The following ROBO2 variants were observed in gnomAD, a reference collection of about 807,000 sequenced individuals.
The protein encoded by ROBO2 is roundabout homolog 2.
In ROBO2, 53 loss-of-function variants were observed where a neutral mutation model predicts 160.8. The ratio of observed to expected loss-of-function variants is 0.33; its 90% confidence interval spans 0.26 to 0.41. ROBO2 has a LOEUF of 0.41. ROBO2 is among the 10% of genes least tolerant of loss of function. ROBO2 has a pLI of 1.00. For synonymous variants in ROBO2, 664 were observed against 611.7 expected, an observed-to-expected ratio of 1.09 and a Z score of -1.26; for missense variants, 1,577 against 1,722.4, an observed-to-expected ratio of 0.92 and a Z score of 1.49.
chr3:77,399,921 A>T (rs941642705), intron 2 of ROBO2, among the ~76,000 whole-genome samples: 9 of 152,132 alleles, frequency 5.9e-5, no homozygotes, highest in African/African-American at 2.2e-4. Flanking sequence ...CATCAGCTTG[A>T]CACTATGATG....
chr3:76,356,484 T>A (rs1191882022), intron 2 of ROBO2, among the ~76,000 whole-genome samples: 1 of 151,616 alleles, frequency 6.6e-6, no homozygotes, highest in Non-Finnish European at 1.5e-5. Context: ...AGCTATATCA[T>A]ACAAAAGTAT....
At chr3:76,567,998 A>G (rs1451895173) in intron 2 of ROBO2, among the ~76,000 whole-genome samples, 7 of 150,736 alleles carry the variant, frequency 4.6e-5, no homozygotes, top group African/African-American at 1.7e-4. Flanking sequence ...TATTTTCAGT[A>G]GAGACGGGAT....
intron 17 of ROBO2, among the ~76,000 whole-genome samples, chr3:77,589,202 C>G (rs964340780): frequency 7.1e-6 from 1 of 141,690 alleles, no homozygotes; most frequent in Admixed American, 7.5e-5. Context: ...TCAACTAGTT[C>G]TTTGAAATCA....
At chr3:76,136,180 A>G (rs1006762203) in intron 2 of ROBO2, among the ~76,000 whole-genome samples, 3 of 152,102 alleles carry the variant, frequency 2.0e-5, no homozygotes, top group African/African-American at 4.8e-5. Context: ...TTTGGAAGGT[A>G]TTATTGGCAT....
chr3:76,606,986 T>C (rs2087713388), intron 2 of ROBO2, among the ~76,000 whole-genome samples: 1 of 152,232 alleles, frequency 6.6e-6, no homozygotes, highest in Admixed American at 6.5e-5. Context: ...CATTTAAGTA[T>C]GATTACAAGT....
rs565978627 is a variant in ROBO2 at position 76,309,588 on chromosome 3, G to A, written c.109+371986G>A. The stretch of plus-strand genomic sequence containing the variant: ...CCTCTTCCAAGAATATGATTTGAAA[G>A]CGGTAATTTGTTCCCTTTTGAAAGT... On this transcript the variant is annotated intron_variant, in intron 2 of 26. Coordinates refer to the ROBO2 transcript ENST00000487694. 8.6e-4 allele frequency among the ~76,000 whole-genome samples: 131 copies of A among 152,260 alleles called. 1 individual carries two copies. In the Middle Eastern group the frequency reaches 0.02, roughly 24 times the overall value.
chr3:77,143,440 T>C (rs149831820), intron 2 of ROBO2, among the ~76,000 whole-genome samples: 10,273 of 152,006 alleles, frequency 0.068, 364 homozygotes, highest in Admixed American at 0.096. Flanking sequence ...AAGTGATCCA[T>C]CCACCTCAGC....
rs904870755 is a variant in ROBO2 at position 77,187,681 on chromosome 3, A to C, written c.388+89341A>C. Reference sequence around the variant, plus strand: ...TCTCTTCAATTTTATTTATTTTGGCACTTGGAATCTCTCTTCATATTAAAT... The same window carrying C: ...TCTCTTCAATTTTATTTATTTTGGCCCTTGGAATCTCTCTTCATATTAAAT... On this transcript the variant is annotated intron_variant, in intron 2 of 25. Coordinates refer to ENST00000461745, the Ensembl canonical transcript of ROBO2. Among the ~76,000 whole-genome samples the C allele has an allele frequency of 2.6e-5, 4 of 152,050 alleles. No individual in the cohort carries two copies. The South Asian group carries it at 8.3e-4, about 31-fold the overall frequency.
At position 75,977,951 on chromosome 3, in the gene ROBO2, A is replaced by G. The variant is rs1284649614; in HGVS notation, c.109+40349A>G. ...AATTTAGAGACACTATCCTAAAACC[A>G]ACTCAATGGAAAGATGTTATAATGT... On this transcript the variant is annotated intron_variant, in intron 2 of 26. Coordinates refer to the ROBO2 transcript ENST00000487694. 2.6e-5 allele frequency among the ~76,000 whole-genome samples: 4 copies of G among 151,542 alleles called. No homozygotes were observed. The Admixed American group carries it at 2.6e-4, about 10-fold the overall frequency.
chr3:77,058,786 C>T (rs889313751), intron 1 of ROBO2, among the ~76,000 whole-genome samples: 1 of 152,018 alleles, frequency 6.6e-6, no homozygotes, highest in Middle Eastern at 3.2e-3. Flanking sequence ...GATCCACCCA[C>T]GTCGACCTCC....
At chr3:76,537,769 GAA>G (rs995972136) in intron 2 of ROBO2, among the ~76,000 whole-genome samples, 1 of 152,116 alleles carries the variant, frequency 6.6e-6, no homozygotes, top group Non-Finnish European at 1.5e-5. Flanking sequence ...GGCTGAGTCC[GAA>G]AAGAGAGTCA....
intron 2 of ROBO2, among the ~76,000 whole-genome samples, chr3:76,900,597 A>G (rs185137248): frequency 4.4e-4 from 67 of 152,226 alleles, no homozygotes; most frequent in African/African-American, 1.6e-3. Flanking sequence ...CCATAAGGGA[A>G]GCAGCCTGCC....
intron 2 of ROBO2, among the ~76,000 whole-genome samples, chr3:76,955,374 C>A (rs1027673046): frequency 2.0e-5 from 3 of 152,074 alleles, no homozygotes; most frequent in African/African-American, 7.2e-5. Context: ...GGGTATATAT[C>A]TAGAAGTGGA....
chr3:76,370,423 A>C (rs1253014686), intron 2 of ROBO2, among the ~76,000 whole-genome samples: 1 of 151,950 alleles, frequency 6.6e-6, no homozygotes, highest in African/African-American at 2.4e-5. Context: ...CACAGAGGGA[A>C]ATTTGAACAT....
chr3:77,198,902 T>TA (rs975690616), intron 2 of ROBO2, among the ~76,000 whole-genome samples: 22 of 150,302 alleles, frequency 1.5e-4, no homozygotes, highest in South Asian at 4.2e-4. Flanking sequence ...GACTCTGTCC[T>TA]AAAAAAAAAG....
rs375583933 is a variant in ROBO2, at chr3:77,134,795, CT to C, written c.388+36456del. Among the ~76,000 whole-genome samples the C allele has an allele frequency of 3.4e-3, 524 of 152,340 alleles. 2 individuals are homozygous for C. Among genetic ancestry groups the C allele is most frequent in the African/African-American group, 0.011 (450 of 41,574 alleles). ...GTGAAGGAGGCCACTGCTAATTTCC[CT>C]CCCTACATAATCAAATCAGTACAGC... On this transcript the variant is annotated intron_variant, in intron 2 of 25. Transcript: ENST00000461745.
intron 2 of ROBO2, among the ~76,000 whole-genome samples, chr3:77,009,065 A>C (rs1461350721): frequency 2.6e-5 from 4 of 152,214 alleles, no homozygotes; most frequent in South Asian, 2.1e-4. Flanking sequence ...CAATTTCCTT[A>C]TCTCTCCAAT....
At chr3:76,075,862 A>C (rs11921130) in intron 2 of ROBO2, among the ~76,000 whole-genome samples, 2 of 152,240 alleles carry the variant, frequency 1.3e-5, no homozygotes, top group African/African-American at 4.8e-5. Context: ...AGAGCAGATA[A>C]TAAAACAGGA....
chr3:77,023,543 G>A (rs1382800637), intron 2 of ROBO2, among the ~76,000 whole-genome samples: 1 of 152,116 alleles, frequency 6.6e-6, no homozygotes, highest in East Asian at 1.9e-4. Flanking sequence ...TATTATGATT[G>A]GACAAAAGTA....
Sources: gnomAD v4.1 joint callset for allele counts (sites outside exome capture counted in the v4.1 genomes callset) on GRCh38, gnomAD v4.1.1 for gene constraint, MANE v1.5 for transcripts, NCBI Gene and HGNC (gene_info 2026-07-23, HGNC 2026-07-21) for gene names.